Variants in CALN1 observed in about 807,000 individuals in gnomAD.
CALN1 encodes calcium-binding protein 8.
In CALN1, 17 loss-of-function variants were observed where a neutral mutation model predicts 30.6. The ratio of observed to expected loss-of-function variants is 0.56; its 90% CI spans 0.38 to 0.83. The LOEUF is 0.83. CALN1 is among the 40% of genes least tolerant of loss of function. The pLI, the probability that CALN1 is intolerant of heterozygous loss-of-function variation, is 0.00. For synonymous variants in CALN1, 156 were observed against 131.4 expected, an observed-to-expected ratio of 1.19 and a Z score of -1.28; for missense variants, 291 against 354.9, an observed-to-expected ratio of 0.82 and a Z score of 1.45.
At chr7:72,352,388 CAAAAAAA>C (rs59245091) in intron 2 of CALN1, among the ~76,000 whole-genome samples, 1 of 82,044 alleles carries the variant, frequency 1.2e-5, no homozygotes, top group Non-Finnish European at 2.2e-5. Context: ...GACTCTGTCT[CAAAAAAA>C]AAAAAAAAAA....
At chr7:72,294,773 T>TAAAA (rs1328453525) in intron 2 of CALN1, among the ~76,000 whole-genome samples, 1 of 151,192 alleles carries the variant, frequency 6.6e-6, no homozygotes, top group Non-Finnish European at 1.5e-5. Flanking sequence ...AATAAATAAA[T>TAAAA]AAATAAATAC....
At chr7:72,334,526 C>T (rs917151973) in intron 2 of CALN1, among the ~76,000 whole-genome samples, 3 of 152,040 alleles carry the variant, frequency 2.0e-5, no homozygotes, top group Non-Finnish European at 4.4e-5. Flanking sequence ...ACCTGTACCC[C>T]CCCTCCCCTT....
chr7:72,482,816 T>C, the CALN1 span, among the ~76,000 whole-genome samples: 2 of 152,168 alleles, frequency 1.3e-5, no homozygotes, highest in African/African-American at 2.4e-5. Context: ...CACTCCTTTG[T>C]GTAAATCTAT....
intron 3 of CALN1, among the ~76,000 whole-genome samples, chr7:72,147,786 A>G (rs1786875617): frequency 6.6e-6 from 1 of 152,056 alleles, no homozygotes; most frequent in Non-Finnish European, 1.5e-5. Flanking sequence ...TAATGAGTTC[A>G]TGTCCTTTGT....
chr7:72,021,213 T>C (rs1003113989), intron 5 of CALN1, among the ~76,000 whole-genome samples: 2 of 152,032 alleles, frequency 1.3e-5, no homozygotes, highest in African/African-American at 4.8e-5. Flanking sequence ...AGTTCAAGGC[T>C]GCAGTGAGCT....
intron 4 of CALN1, among the ~76,000 whole-genome samples, chr7:72,096,343 A>G (rs1004873973): frequency 6.6e-6 from 1 of 152,160 alleles, no homozygotes; most frequent in Non-Finnish European, 1.5e-5. Flanking sequence ...AAAACTCCTC[A>G]TCATCTCACA....
chr7:72,451,161 AAGGAGG>A (rs1252829652), upstream of CALN1, among the ~76,000 whole-genome samples: 1 of 144,748 alleles, frequency 6.9e-6, no homozygotes, highest in African/African-American at 2.6e-5. Flanking sequence ...GAAGAAGGAG[AAGGAGG>A]AGGAGGAGGA....
intron 3 of CALN1, among the ~76,000 whole-genome samples, chr7:72,197,259 A>G (rs1791091517): frequency 7.7e-6 from 1 of 129,214 alleles, no homozygotes; most frequent in Non-Finnish European, 1.5e-5. Flanking sequence ...ATCTCAGCTC[A>G]CTGCAATCTC....
chr7:72,363,683 ATGTC>A (rs927387572), intron 2 of CALN1, among the ~76,000 whole-genome samples: 45 of 151,554 alleles, frequency 3.0e-4, no homozygotes, highest in African/African-American at 1.1e-3. Flanking sequence ...TAGTAGCTAA[ATGTC>A]TGTAACAGGC....
At chr7:72,144,076 A>T (rs1298193667) in intron 3 of CALN1, among the ~76,000 whole-genome samples, 2 of 152,234 alleles carry the variant, frequency 1.3e-5, no homozygotes, top group African/African-American at 4.8e-5. Context: ...ACTAACGAGC[A>T]AAATAACCAG....
Position 71,864,695 on chromosome 7 carries a change from T to C in CALN1, c.502-54203A>G, listed in dbSNP as rs192410106. 1.7e-4 allele frequency among the ~76,000 whole-genome samples: 26 copies of C among 152,282 alleles called. No individual in the cohort carries two copies. The East Asian group carries it at 1.9e-3, about 11-fold the overall frequency. On this transcript the variant is annotated intron_variant, in intron 5 of 6. Transcript: ENST00000395275. ...TCACTAAGTTTGTGGCAATCTATTA[T>C]ACAACAATAGAAAATAAATGCACTG... is the stretch of plus-strand genomic sequence containing the variant.
intron 4 of CALN1, among the ~76,000 whole-genome samples, chr7:72,099,813 A>G (rs1806516164): frequency 6.6e-6 from 1 of 152,240 alleles, no homozygotes; most frequent in South Asian, 2.1e-4. Flanking sequence ...GTCACCGTGA[A>G]ATAGTTGATG....
At chr7:72,455,043 C>A in the CALN1 span, among the ~76,000 whole-genome samples, 1 of 152,094 alleles carries the variant, frequency 6.6e-6, no homozygotes, top group African/African-American at 2.4e-5. Flanking sequence ...GTTGGTCAGG[C>A]TGATCTCAAA....
intron 6 of CALN1, 145 bp downstream of exon 6, chr7:71,810,191 A>T: frequency 2.5e-6 from 2 of 785,580 alleles, no homozygotes; most frequent in South Asian, 5.0e-5. Flanking sequence ...AGCAAAAAAG[A>T]TCTTTAACCT....
Position 72,236,995 on chromosome 7 carries a change from T to A in CALN1, c.244+41691A>T, listed in dbSNP as rs370491839. On this transcript the variant is annotated intron_variant, in intron 3 of 6. Coordinates refer to ENST00000395275, the MANE Select transcript of CALN1 (RefSeq NM_031468.4). ...TTTTTTTTTTCTATTTTTATTTTTT[T>A]TTTTTTGAGATGGAGTTTCCCTCTT... Among the ~76,000 whole-genome samples the A allele has an allele frequency of 5.4e-3, 821 of 151,988 alleles. 1 individual carries two copies. Among genetic ancestry groups the A allele is most frequent in the Middle Eastern group, 0.014 (4 of 294 alleles).
rs1787905339 is a variant in CALN1 at position 72,158,869 on chromosome 7, TG to T, written c.245-52576del. Reference sequence around the variant, plus strand: ...TTATTTATTTATTTGTTTGTTTGTTTGTTTTTGAGATGGAGTCTCGCTCTGT... The same window carrying T: ...TTATTTATTTATTTGTTTGTTTGTTTTTTTTGAGATGGAGTCTCGCTCTGT... On this transcript the variant is annotated intron_variant, in intron 3 of 6. Transcript: ENST00000395275. 3.9e-5 allele frequency among the ~76,000 whole-genome samples: 6 copies of T among 152,280 alleles called. No homozygotes were observed. The South Asian group carries it at 1.2e-3, about 32-fold the overall frequency.
chr7:72,322,744 C>T (rs1216421304), intron 2 of CALN1, among the ~76,000 whole-genome samples: 1 of 151,906 alleles, frequency 6.6e-6, no homozygotes, highest in Non-Finnish European at 1.5e-5. Flanking sequence ...TACCCTAGTA[C>T]TTGCTAGGAC....
chr7:72,428,618 C>T (rs1053181035), intron 1 of CALN1, among the ~76,000 whole-genome samples: 13 of 152,152 alleles, frequency 8.5e-5, no homozygotes, highest in African/African-American at 2.9e-4. Flanking sequence ...TCTCAGTCAG[C>T]ACTGCTGCTG....
chr7:72,205,551 A>AAAAATATACATATATATATATATATATAT, intron 3 of CALN1, among the ~76,000 whole-genome samples: 1 of 83,044 alleles, frequency 1.2e-5, no homozygotes, highest in East Asian at 8.7e-4. Context: ...GCAAAAAAAA[A>AAAAATATACATATATATATATATATATAT]ATATATATAT....
Sources: allele counts gnomAD v4.1 joint callset (sites outside exome capture counted in the v4.1 genomes callset), GRCh38; gene constraint gnomAD v4.1.1; transcripts MANE v1.5; gene names NCBI Gene and HGNC (gene_info 2026-07-23, HGNC 2026-07-21).